MMP26: variants seen among roughly 807,000 people sequenced by gnomAD.
MMP26 encodes the protein matrix metallopeptidase 26.
Under a neutral mutation model 31.0 loss-of-function variants are expected in MMP26, and 33 were observed. The observed-to-expected ratio is 1.06, with a 90% CI of 0.81 to 1.42. The LOEUF is 1.42. Ranked by LOEUF, MMP26 falls within the 40% of genes most tolerant of loss-of-function variation. MMP26 has a pLI of 0.00. For synonymous variants in MMP26, 122 were observed against 114.9 expected, an observed-to-expected ratio of 1.06 and a Z score of -0.40; for missense variants, 347 against 316.1, an observed-to-expected ratio of 1.10 and a Z score of -0.74.
At chr11:4,754,885 A>C (rs1446490267) in intron 1 of MMP26, among the ~76,000 whole-genome samples, 1 of 151,992 alleles carries the variant, frequency 6.6e-6, no homozygotes, top group Non-Finnish European at 1.5e-5. Context: ...AAGCTCAAAC[A>C]CAATATGATT....
At chr11:4,874,970 G>A (rs1227813764) in intron 2 of MMP26, among the ~76,000 whole-genome samples, 1 of 152,108 alleles carries the variant, frequency 6.6e-6, no homozygotes, top group Non-Finnish European at 1.5e-5. Flanking sequence ...GGAAGGAAAA[G>A]AATGGGTCTT....
intron 2 of MMP26, chr11:4,915,208 G>T: frequency 6.2e-7 from 1 of 1,613,994 alleles, no homozygotes; most frequent in Non-Finnish European, 8.5e-7. Context: ...GACCCAGAGA[G>T]ACCAGGCCAA....
intron 2 of MMP26, among the ~76,000 whole-genome samples, chr11:4,968,193 C>A (rs1439541534): frequency 1.3e-5 from 2 of 152,038 alleles, no homozygotes; most frequent in Admixed American, 6.6e-5. Flanking sequence ...ATACCGTAAA[C>A]AGAAAAATAA....
intron 1 of MMP26, among the ~76,000 whole-genome samples, chr11:4,705,946 G>A (rs796450884): frequency 9.7e-5 from 14 of 143,660 alleles, no homozygotes; most frequent in African/African-American, 3.7e-4. Context: ...TTGCACTCCA[G>A]CTCCAGGAGC....
intron 2 of MMP26, among the ~76,000 whole-genome samples, chr11:4,806,578 A>T (rs978520668): frequency 6.6e-6 from 1 of 151,896 alleles, no homozygotes; most frequent in African/African-American, 2.4e-5. Context: ...TTGCTTGGTA[A>T]ATCTTCCTCC....
At chr11:4,963,099 C>T (rs1846543596) in intron 2 of MMP26, among the ~76,000 whole-genome samples, 1 of 152,128 alleles carries the variant, frequency 6.6e-6, no homozygotes, top group Admixed American at 6.5e-5. Flanking sequence ...AATAGACAAA[C>T]AGAGAGCCAA....
chr11:4,885,698 C>T lies in MMP26; in HGVS notation c.-144-102370C>T, dbSNP rs181277356. ...GCCTAATCTTTTTTTAATAAACAAA[C>T]ACATGGGCATACATATGTATACATT... is the stretch of plus-strand genomic sequence containing the variant. On this transcript the variant is annotated intron_variant, in intron 2 of 7. Coordinates refer to ENST00000380390, the MANE Select transcript of MMP26 (RefSeq NM_021801.5). Among the ~76,000 whole-genome samples, 463 of 152,136 alleles carry T rather than the reference C, an allele frequency of 3.0e-3. 5 individuals are homozygous for T. Among genetic ancestry groups the T allele is most frequent in the African/African-American group, 0.01 (429 of 41,528 alleles).
chr11:4,705,988 G>T (rs1241472705), intron 1 of MMP26, among the ~76,000 whole-genome samples: 3 of 149,478 alleles, frequency 2.0e-5, no homozygotes, highest in Non-Finnish European at 4.4e-5. Context: ...TGGTGGTGGT[G>T]GTGGGGGGAG....
chr11:4,705,987 T>C (rs866889739), intron 1 of MMP26, among the ~76,000 whole-genome samples: 1 of 70,070 alleles, frequency 1.4e-5, no homozygotes, highest in African/African-American at 8.9e-5. Flanking sequence ...GTGGTGGTGG[T>C]GGTGGGGGGA....
chr11:4,763,315 A>T (rs1003373329), intron 1 of MMP26, among the ~76,000 whole-genome samples: 2 of 152,190 alleles, frequency 1.3e-5, no homozygotes, highest in African/African-American at 4.8e-5. Flanking sequence ...TCATAAAGGG[A>T]GATGAGAAAT....
At chr11:4,781,362 A>C (rs1463525186) in intron 2 of MMP26, among the ~76,000 whole-genome samples, 1 of 72,006 alleles carries the variant, frequency 1.4e-5, no homozygotes, top group African/African-American at 1.1e-4. Context: ...CCTGGCTAAC[A>C]AGGTGAAACC....
At position 4,992,063 on chromosome 11, in the gene MMP26, A is replaced by G. The variant is rs757168297; in HGVS notation, c.695A>G (p.Tyr232Cys). 4 of 1,614,046 alleles carry G rather than the reference A, an allele frequency of 2.5e-6. No homozygotes were observed. The highest frequency in any genetic ancestry group is 3.4e-6 in the Non-Finnish European group (4 of 1,179,980). Residue 232 changes from tyrosine (Y) to cysteine (C), a missense_variant, in exon 7 of 8, where the codon TAT becomes TGT. Coordinates refer to ENST00000380390, the MANE Select transcript of MMP26 (RefSeq NM_021801.5). ...QSSIMYPTYW[Y>C]HDPRTFQLSA... ...TCCATAATGTACCCCACTTACTGGTATCACGACCCTAGAACCTTCCAGCTC... is the reference window on the plus strand; with the variant it reads ...TCCATAATGTACCCCACTTACTGGTGTCACGACCCTAGAACCTTCCAGCTC...
chr11:4,781,723 A>T (rs1848866855), intron 2 of MMP26, among the ~76,000 whole-genome samples: 1 of 152,092 alleles, frequency 6.6e-6, no homozygotes, highest in African/African-American at 2.4e-5. Context: ...GTCCCCACCC[A>T]AATCTCATCT....
intron 2 of MMP26, among the ~76,000 whole-genome samples, chr11:4,785,364 A>G (rs1233484560): frequency 6.6e-6 from 1 of 152,188 alleles, no homozygotes; most frequent in Non-Finnish European, 1.5e-5. Flanking sequence ...ATATCTAGGT[A>G]TAGATGAGAC....
At chr11:4,946,340 A>G (rs1355375965) in intron 2 of MMP26, 1 of 1,613,898 alleles carries the variant, frequency 6.2e-7, no homozygotes, top group Non-Finnish European at 8.5e-7. Flanking sequence ...GATGATGGGC[A>G]GGTAGAAGAT....
chr11:4,883,081 G>T (rs573692592), intron 2 of MMP26, among the ~76,000 whole-genome samples: 1 of 152,208 alleles, frequency 6.6e-6, no homozygotes, highest in African/African-American at 2.4e-5. Context: ...AATTAATTGA[G>T]CATATGTCCC....
chr11:4,990,721 C>T lies in MMP26; in HGVS notation c.444C>T (p.Asp148=), dbSNP rs144183012. Residue 148 remains aspartate, a synonymous_variant, in exon 5 of 8, where the codon GAC becomes GAT. Coordinates refer to ENST00000380390, the MANE Select transcript of MMP26 (RefSeq NM_021801.5). ...IFQQVQNGDA[D]IKVSFWQWAH... ...AGCAAGTGCAGAATGGAGATGCAGA[C>T]ATCAAGGTTTCTTTCTGGCAGTGGG... The T allele has an allele frequency of 6.2e-6, 10 of 1,614,046 alleles. No individual in the cohort carries two copies. The highest frequency in any genetic ancestry group is 8.5e-6 in the Non-Finnish European group (10 of 1,179,958).
chr11:4,734,352 T>C (rs991426655), intron 1 of MMP26, among the ~76,000 whole-genome samples: 1 of 152,190 alleles, frequency 6.6e-6, no homozygotes, highest in African/African-American at 2.4e-5. Flanking sequence ...AACTTTGTTT[T>C]GTTGACTGTT....
chr11:4,812,123 A>G (rs1849358043), intron 2 of MMP26, among the ~76,000 whole-genome samples: 1 of 152,160 alleles, frequency 6.6e-6, no homozygotes, highest in South Asian at 2.1e-4. Flanking sequence ...GGCAGAAAGG[A>G]TGTTTAGAAA....
Sources: gnomAD v4.1 joint callset for allele counts (sites outside exome capture counted in the v4.1 genomes callset) on GRCh38, gnomAD v4.1.1 for gene constraint, MANE v1.5 for transcripts, NCBI Gene and HGNC (gene_info 2026-07-23, HGNC 2026-07-21) for gene names.